RBFOX1: variants seen among roughly 807,000 people sequenced by gnomAD.
The protein encoded by RBFOX1 is RNA binding protein fox-1 homolog 1.
In RBFOX1, 8 loss-of-function variants were observed where a neutral mutation model predicts 57.7. That is an observed-to-expected ratio of 0.14 (90% CI 0.08 to 0.25). The LOEUF is 0.25. Ranked by LOEUF, RBFOX1 falls within the 10% of genes least tolerant of loss-of-function variation. RBFOX1 has a pLI of 1.00. For missense variants in RBFOX1, 611 were observed against 548.5 expected (o/e 1.11, Z -1.14); for synonymous variants, 326 against 222.4 (o/e 1.47, Z -4.15).
chr16:6,331,048 A>C (rs1223220300), intron 2 of RBFOX1, among the ~76,000 whole-genome samples: 2 of 152,222 alleles, frequency 1.3e-5, no homozygotes, highest in Non-Finnish European at 2.9e-5. Context: ...AAGGGATCTG[A>C]AAAAGTAAGG....
At chr16:5,843,472 T>C (rs1239101163) in intron 3 of RBFOX1, among the ~76,000 whole-genome samples, 1 of 152,198 alleles carries the variant, frequency 6.6e-6, no homozygotes, top group Non-Finnish European at 1.5e-5. Flanking sequence ...GATCTCGTTC[T>C]TTCTTATGGC....
At chr16:6,484,931 T>C (rs927915145) in intron 2 of RBFOX1, among the ~76,000 whole-genome samples, 2 of 152,254 alleles carry the variant, frequency 1.3e-5, no homozygotes, top group African/African-American at 4.8e-5. Flanking sequence ...TAATCCTCTC[T>C]TTAGTAGGGT....
chr16:7,535,173 C>T (rs1352248797), intron 5 of RBFOX1, among the ~76,000 whole-genome samples: 1 of 152,148 alleles, frequency 6.6e-6, no homozygotes, highest in Non-Finnish European at 1.5e-5. Context: ...CAATATAATA[C>T]AATAATAATG....
chr16:7,192,683 T>C (rs1304900820), intron 4 of RBFOX1, among the ~76,000 whole-genome samples: 2 of 152,190 alleles, frequency 1.3e-5, no homozygotes, highest in African/African-American at 4.8e-5. Context: ...GTACCCATCA[T>C]TGTATTATGA....
At chr16:7,604,374 A>G (rs2095194307) in intron 9 of RBFOX1, among the ~76,000 whole-genome samples, 1 of 152,206 alleles carries the variant, frequency 6.6e-6, no homozygotes, top group African/African-American at 2.4e-5. Context: ...CAAGCATTTC[A>G]TTTTGCAGCA....
intron 2 of RBFOX1, among the ~76,000 whole-genome samples, chr16:6,445,775 G>GT (rs2094472586): frequency 1.3e-5 from 2 of 151,994 alleles, no homozygotes; most frequent in Non-Finnish European, 2.9e-5. Context: ...TTGCGACAGG[G>GT]TTTCACCATT....
chr16:5,287,968 C>T (rs995675532), intron 1 of RBFOX1, among the ~76,000 whole-genome samples: 1 of 152,200 alleles, frequency 6.6e-6, no homozygotes, highest in Non-Finnish European at 1.5e-5. Context: ...GTTGAATGCA[C>T]TTTTGCCTGA....
intron 3 of RBFOX1, among the ~76,000 whole-genome samples, chr16:6,966,473 G>A (rs1039847789): frequency 2.6e-5 from 4 of 152,126 alleles, no homozygotes; most frequent in East Asian, 1.9e-4. Context: ...TGCCATCCAC[G>A]GAGCATGATC....
intron 3 of RBFOX1, among the ~76,000 whole-genome samples, chr16:5,797,207 A>T (rs1197855302): frequency 6.6e-6 from 1 of 152,144 alleles, no homozygotes; most frequent in Non-Finnish European, 1.5e-5. Flanking sequence ...GGAAGTTCTG[A>T]TTTCCTATCA....
At chr16:5,407,264 A>G (rs1270172404) in intron 1 of RBFOX1, among the ~76,000 whole-genome samples, 2 of 152,164 alleles carry the variant, frequency 1.3e-5, no homozygotes, top group African/African-American at 4.8e-5. Context: ...CCCTCCCACC[A>G]GGTCTCTCCT....
chr16:7,481,034 T>C (rs2063808597), intron 4 of RBFOX1, among the ~76,000 whole-genome samples: 1 of 152,196 alleles, frequency 6.6e-6, no homozygotes, highest in Non-Finnish European at 1.5e-5. Flanking sequence ...ACCCTAGCTC[T>C]TGAGACAAAA....
intron 2 of RBFOX1, among the ~76,000 whole-genome samples, chr16:6,644,804 C>A (rs1251648764): frequency 6.6e-6 from 1 of 152,086 alleles, no homozygotes; most frequent in Admixed American, 6.6e-5. Flanking sequence ...TTTTCTTGTC[C>A]CCTAGAGCTT....
chr16:5,649,624 A>G (rs906315091), intron 3 of RBFOX1, among the ~76,000 whole-genome samples: 2 of 152,190 alleles, frequency 1.3e-5, no homozygotes, highest in Non-Finnish European at 2.9e-5. Context: ...TGAGAGATGC[A>G]GCCTCTGTCA....
chr16:5,775,283 C>T (rs867782072), intron 3 of RBFOX1, among the ~76,000 whole-genome samples: 11 of 152,158 alleles, frequency 7.2e-5, no homozygotes, highest in South Asian at 2.1e-4. Flanking sequence ...CATCCCCCTT[C>T]TCACCCCACA....
chr16:6,637,320 T>TATAATATACAAATATATATTATATATTAA (rs2098449672), intron 2 of RBFOX1, among the ~76,000 whole-genome samples: 1 of 66,484 alleles, frequency 1.5e-5, no homozygotes, highest in African/African-American at 8.9e-5. Flanking sequence ...TTATATATTA[T>TATAATATACAAATATATATTATATATTAA]ATATATTATA....
intron 2 of RBFOX1, among the ~76,000 whole-genome samples, chr16:5,568,432 C>T (rs2046149225): frequency 6.6e-6 from 1 of 152,220 alleles, no homozygotes; most frequent in Non-Finnish European, 1.5e-5. Flanking sequence ...TCCCTCAAAG[C>T]CCCTTCTCTT....
intron 4 of RBFOX1, among the ~76,000 whole-genome samples, chr16:5,888,414 A>G (rs1375394670): frequency 2.0e-5 from 3 of 152,098 alleles, no homozygotes; most frequent in Admixed American, 6.5e-5. Context: ...GTTTTATTCT[A>G]TGATAGTTCC....
At chr16:5,861,921 G>A (rs531778429) in intron 3 of RBFOX1, among the ~76,000 whole-genome samples, 3 of 152,114 alleles carry the variant, frequency 2.0e-5, no homozygotes, top group Admixed American at 1.3e-4. Context: ...TGCTGCCTGT[G>A]GGGGGAATGG....
chr16:7,698,323 A>T (rs2079486731), intron 14 of RBFOX1, among the ~76,000 whole-genome samples: 1 of 151,990 alleles, frequency 6.6e-6, no homozygotes. Context: ...ACATGTTTTC[A>T]TCTCAGTTCC....
Sources: gnomAD v4.1 joint callset for allele counts (sites outside exome capture counted in the v4.1 genomes callset) on GRCh38, gnomAD v4.1.1 for gene constraint, MANE v1.5 for transcripts, NCBI Gene and HGNC (gene_info 2026-07-23, HGNC 2026-07-21) for gene names.